The following BRCA2 variants were observed in gnomAD, a reference collection of about 807,000 sequenced individuals.
BRCA2 encodes breast cancer type 2 susceptibility protein.
Under a neutral mutation model 276.7 loss-of-function variants are expected in BRCA2, and 203 were observed. The observed-to-expected ratio is 0.73, with a 90% confidence interval of 0.65 to 0.82. The LOEUF is 0.82. Ranked by LOEUF, BRCA2 falls within the 40% of genes least tolerant of loss-of-function variation. The probability of loss-of-function intolerance (pLI) is 0.00; values close to 1 mark genes in which losing one functional copy is unlikely to be tolerated. For synonymous variants in BRCA2, 1,289 were observed against 1,338.4 expected (o/e 0.96, Z 0.81); for missense variants, 3,920 against 3,915.0 (o/e 1.00, Z -0.03).
In BRCA2 at chr13:32,398,548, A is replaced by T. The variant is rs1057520252; in HGVS notation, c.10035A>T (p.Ala3345=). The T allele has an allele frequency of 1.2e-6, 2 of 1,614,064 alleles. No individual in the cohort carries two copies. Among genetic ancestry groups the T allele is most frequent in the Admixed American group, 3.3e-5 (2 of 60,004 alleles). The change falls in exon 27 of 27, where the codon GCA becomes GCT. Residue 3345 remains alanine (A), a synonymous_variant. Coordinates refer to ENST00000380152, the MANE Select transcript of BRCA2 (RefSeq NM_000059.4). ...ESNSIADEEL[A]LINTQALLSG... Reference sequence around the variant, plus strand: ...ATTCAATAGCTGACGAAGAACTTGCATTGATAAATACCCAAGCTCTTTTGT... The same window carrying T: ...ATTCAATAGCTGACGAAGAACTTGCTTTGATAAATACCCAAGCTCTTTTGT...
At chr13:32,323,380 C>T (rs924950546) in intron 3 of BRCA2, among the ~76,000 whole-genome samples, 1 of 152,132 alleles carries the variant, frequency 6.6e-6, no homozygotes, top group Non-Finnish European at 1.5e-5. Context: ...GTCTTGATCT[C>T]CTGACCTCGT....
intron 3 of BRCA2, among the ~76,000 whole-genome samples, chr13:32,321,723 C>T (rs2072307318): frequency 6.6e-6 from 1 of 152,088 alleles, no homozygotes; most frequent in Non-Finnish European, 1.5e-5. Context: ...GTTTTTCAAC[C>T]TGTTTTGTTC....
At chr13:32,362,243 T>C (rs1206723569) in intron 16 of BRCA2, among the ~76,000 whole-genome samples, 1 of 152,126 alleles carries the variant, frequency 6.6e-6, no homozygotes, top group East Asian at 1.9e-4. Flanking sequence ...TTGCCTAGGC[T>C]GGTCTCAAAC....
chr13:32,385,077 A>G, intron 24 of BRCA2: 1 of 284,518 alleles, frequency 3.5e-6, no homozygotes, highest in South Asian at 9.0e-5. Context: ...TGGAATGTCC[A>G]GAGATGGACT....
At position 32,363,343 on chromosome 13, in the gene BRCA2, A is replaced by G. The variant is rs80359059; in HGVS notation, c.8141A>G (p.Gln2714Arg). ...AATAAAACTAGTAGTGCAGATACCC[A>G]AAAAGTGGCCATTATTGAACTTACA... Reference protein sequence around the residue: ...SSNKTSSADTQKVAIIELTDG... With the variant: ...SSNKTSSADTRKVAIIELTDG... The change falls in exon 18 of 27, where the codon CAA becomes CGA. Residue 2714 changes from glutamine to arginine, a missense_variant. By Grantham distance (43) the Gln-to-Arg change is conservative. This residue lies in a region of BRCA2 where 3,263 missense variants were observed against 3,156.9 expected (regional missense o/e 1.03). Coordinates refer to ENST00000380152, the MANE Select transcript of BRCA2 (RefSeq NM_000059.4). The G allele has an allele frequency of 1.2e-6, 2 of 1,614,190 alleles. No homozygotes were observed. Among genetic ancestry groups the G allele is most frequent in the African/African-American group, 2.7e-5 (2 of 75,052 alleles).
At chr13:32,362,442 G>T (rs1419732068) in intron 16 of BRCA2, 81 bp from the exon 17 acceptor site, 2 of 1,342,800 alleles carry the variant, frequency 1.5e-6, no homozygotes, top group Non-Finnish European at 2.1e-6. Flanking sequence ...TGTAGTTTTT[G>T]TACAGAGAAT....
At chr13:32,376,180 A>C (rs1236250353) in intron 20 of BRCA2, among the ~76,000 whole-genome samples, 2 of 150,592 alleles carry the variant, frequency 1.3e-5, no homozygotes, top group Non-Finnish European at 2.9e-5. Flanking sequence ...ACTCTGTATG[A>C]CTTTTTTTTT....
At chr13:32,362,874 T>C (rs1358306060) in intron 17 of BRCA2, among the ~76,000 whole-genome samples, 181 bp downstream of exon 17, 1 of 152,112 alleles carries the variant, frequency 6.6e-6, no homozygotes, top group Admixed American at 6.5e-5. Context: ...CATTCATGCA[T>C]TGCTTGCTTC....
intron 9 of BRCA2, among the ~76,000 whole-genome samples, 190 bp from the exon 10 acceptor site, chr13:32,332,082 A>T (rs181035154): frequency 4.6e-5 from 7 of 152,334 alleles, no homozygotes. Context: ...ATCAGGCTTT[A>T]CTAGAAGAAC....
intron 25 of BRCA2, 23 bp from the exon 26 acceptor site, chr13:32,396,875 A>G (rs759284840): frequency 6.2e-7 from 1 of 1,613,902 alleles, no homozygotes; most frequent in Non-Finnish European, 8.5e-7. Flanking sequence ...TTTATAAAGC[A>G]GCTTTTCCAC....
rs886040850 is a variant in BRCA2, at chr13:32,398,259, C to CT, written c.9748dup (p.Ser3250PhefsTer5). On this transcript the variant is annotated frameshift_variant, in exon 27 of 27. Transcript: ENST00000380152. LOFTEE classifies it low-confidence loss of function (END_TRUNC). ...TCCACACCTGTCTCAGCCCAGATGA[C>CT]TTCAAAGTCTTGTAAAGGGGAGAAA... The CT allele has an allele frequency of 6.2e-7, 1 of 1,614,120 alleles. No individual in the cohort carries two copies. The highest frequency in any genetic ancestry group is 8.5e-7 in the Non-Finnish European group (1 of 1,180,024).
At chr13:32,396,054 G>A (rs2073034987) in intron 25 of BRCA2, 1 of 195,076 alleles carries the variant, frequency 5.1e-6, no homozygotes. Flanking sequence ...GATCACTGCA[G>A]TGTCTGCCTC....
At chr13:32,379,965 A>G (rs1316249461) in intron 23 of BRCA2, 42 bp from the exon 24 acceptor site, 2 of 1,613,362 alleles carry the variant, frequency 1.2e-6, no homozygotes, top group Non-Finnish European at 1.7e-6. Flanking sequence ...TTGTTAGTTT[A>G]TGGAATCTCC....
Position 32,332,568 on chromosome 13 carries a change from G to A in BRCA2, c.1090G>A (p.Asp364Asn), listed in dbSNP as rs1177212740. 1.2e-6 allele frequency: 2 copies of A among 1,612,710 alleles called. No individual in the cohort carries two copies. Among genetic ancestry groups the A allele is most frequent in the Non-Finnish European group, 1.7e-6 (2 of 1,179,460 alleles). The change falls in exon 10 of 27, where the codon GAT becomes AAT. Residue 364 changes from aspartate to asparagine, a missense_variant. Around this residue, in one of 2 missense-constraint regions of BRCA2, gnomAD observed 3,263 missense variants for 3,156.9 expected, o/e 1.03. Transcript: ENST00000380152. ...ATCTGAAGTGGAACCAAATGATACTGATCCATTAGATTCAAATGTAGCAAA... is the reference window on the plus strand; with the variant it reads ...ATCTGAAGTGGAACCAAATGATACTAATCCATTAGATTCAAATGTAGCAAA... ...FVSEVEPNDT[D>N]PLDSNVANQK...
chr13:32,355,041 G>A lies in BRCA2; in HGVS notation c.7188G>A (p.Leu2396=), dbSNP rs587780871. ...SATRNEKMRH[L]ITTGRPTKVF... ...CAAGAAATGAAAAAATGAGACACTT[G>A]ATTACTACAGGCAGACCAACCAAAG... Residue 2396 remains leucine, a synonymous_variant, in exon 14 of 27, where the codon TTG becomes TTA. Transcript: ENST00000380152. 5.0e-5 allele frequency: 81 copies of A among 1,614,004 alleles called. No homozygotes were observed. In the East Asian group the frequency reaches 1.3e-3, roughly 25 times the overall value.
At chr13:32,389,497 C>A (rs1047837697) in intron 24 of BRCA2, among the ~76,000 whole-genome samples, 2 of 152,146 alleles carry the variant, frequency 1.3e-5, no homozygotes, top group Non-Finnish European at 2.9e-5. Flanking sequence ...AGTTTTCTCT[C>A]ATCTCAGAAT....
At chr13:32,316,628 A>C (rs2072263711) in intron 2 of BRCA2, 101 bp downstream of exon 2, 1 of 1,001,656 alleles carries the variant, frequency 1.0e-6, no homozygotes. Context: ...GCTTAGAACC[A>C]TAAACTGTTC....
rs206145 is a variant in BRCA2, at chr13:32,380,604, T to G, written c.9256+459T>G. Among the ~76,000 whole-genome samples, 10 of 148,068 alleles carry G rather than the reference T, an allele frequency of 6.8e-5. No individual in the cohort carries two copies. The Admixed American group carries it at 6.8e-4, about 10-fold the overall frequency. On this transcript the variant is annotated intron_variant, in intron 24 of 26. Coordinates refer to ENST00000380152, the MANE Select transcript of BRCA2 (RefSeq NM_000059.4). Reference sequence around the variant, plus strand: ...TGCCCAGGCTGGAGTGCAGTGGCGCTATCTCAGCCCACTGCAAGTTCTGCC... The same window carrying G: ...TGCCCAGGCTGGAGTGCAGTGGCGCGATCTCAGCCCACTGCAAGTTCTGCC...
intron 20 of BRCA2, among the ~76,000 whole-genome samples, chr13:32,374,256 G>C (rs532928116): frequency 6.6e-6 from 1 of 151,150 alleles, no homozygotes; most frequent in Admixed American, 6.6e-5. Flanking sequence ...TGGAGACACT[G>C]TCTCCATTGC....
Sources: allele counts gnomAD v4.1 joint callset (sites outside exome capture counted in the v4.1 genomes callset), GRCh38; gene constraint gnomAD v4.1.1; regional missense constraint gnomAD v4.1.1; transcripts MANE v1.5; gene names NCBI Gene and HGNC (gene_info 2026-07-23, HGNC 2026-07-21).